Variants in CCDC47 observed in about 807,000 individuals in gnomAD.
The protein encoded by CCDC47 is PAT complex subunit CCDC47.
A neutral mutation model predicts 60.5 loss-of-function variants in CCDC47; 41 were observed. That is an observed-to-expected ratio of 0.68 (90% CI 0.53 to 0.88). The LOEUF (loss-of-function observed/expected upper bound fraction) is 0.88, where lower values mean the gene tolerates loss of function less well. Ranked by LOEUF, CCDC47 falls within the 40% of genes least tolerant of loss-of-function variation. CCDC47 has a pLI of 0.00. For missense variants in CCDC47, 513 were observed against 580.9 expected, an observed-to-expected ratio of 0.88 and a Z score of 1.20; for synonymous variants, 195 against 190.7, an observed-to-expected ratio of 1.02 and a Z score of -0.18.
At chr17:63,769,961 C>CT (rs397857898) in intron 1 of CCDC47, among the ~76,000 whole-genome samples, 41,183 of 128,320 alleles carry the variant, frequency 0.32, 6,957 homozygotes, top group South Asian at 0.58. Flanking sequence ...ATTTTTCTTT[C>CT]TTTTTTTTTT....
Position 63,746,950 on chromosome 17 carries a change from C to T in CCDC47, c.1383G>A (p.Leu461=). Residue 461 remains leucine (L), a synonymous_variant, in exon 13 of 13, where the codon TTG becomes TTA. Transcript: ENST00000225726. ...EKQRRLEEAA[L]RREQKKLEKK... The stretch of plus-strand genomic sequence containing the variant: ...TTTCCAACTTCTTTTGCTCACGCCT[C>T]AATGCAGCCTCCTAGAGAAAGAAGG... 6.2e-7 allele frequency: 1 copy of T among 1,613,484 alleles called. No homozygotes were observed. Among genetic ancestry groups the T allele is most frequent in the Non-Finnish European group, 8.5e-7 (1 of 1,179,692 alleles).
In CCDC47 at chr17:63,771,045, G is replaced by GAAGAAAGAAAGAAAGA. The variant is rs58944348; in HGVS notation, c.-20+2351_-20+2366dup. Among the ~76,000 whole-genome samples, 116 of 97,768 alleles carry GAAGAAAGAAAGAAAGA rather than the reference G, an allele frequency of 1.2e-3. 3 individuals are homozygous for GAAGAAAGAAAGAAAGA. Among genetic ancestry groups the GAAGAAAGAAAGAAAGA allele is most frequent in the African/African-American group, 2.9e-3 (70 of 24,236 alleles). The allele number at this position is 97,768 out of a possible 152,430, so 64.1% of individuals were successfully genotyped here. On this transcript the variant is annotated intron_variant, in intron 1 of 12. Coordinates refer to ENST00000225726, the MANE Select transcript of CCDC47 (RefSeq NM_020198.3). Reference sequence around the variant, plus strand: ...GGAAGGAAGGAAGGAAGGAAGGAAGGAAGAAAGAAAGAAAGAAATTAAATG... The same window carrying GAAGAAAGAAAGAAAGA: ...GGAAGGAAGGAAGGAAGGAAGGAAGGAAGAAAGAAAGAAAGAAAGAAAGAAAGAAAGAAATTAAATG...
intron 2 of CCDC47, 22 bp downstream of exon 2, chr17:63,765,890 A>G: frequency 6.3e-7 from 1 of 1,585,664 alleles, no homozygotes; most frequent in Non-Finnish European, 8.6e-7. Context: ...TTTTTCCAAT[A>G]AATTAATAAA....
chr17:63,747,030 CAT>C (rs766988939), intron 12 of CCDC47, 69 bp from the exon 13 acceptor site: 174 of 1,561,900 alleles, frequency 1.1e-4, no homozygotes, highest in Middle Eastern at 3.4e-4. Context: ...AAGCTTGAAA[CAT>C]ATGTTAAAAA....
At chr17:63,759,932 C>T (rs997969740) in intron 6 of CCDC47, among the ~76,000 whole-genome samples, 1 of 151,350 alleles carries the variant, frequency 6.6e-6, no homozygotes, top group Non-Finnish European at 1.5e-5. Flanking sequence ...GGAGTGGTGG[C>T]GGACGCCTGT....
rs1347779557 is a variant in CCDC47, at chr17:63,769,615, AAAAAAAAAAAAAAG to A, written c.-19-3435_-19-3422del. On this transcript the variant is annotated intron_variant, in intron 1 of 12. Transcript: ENST00000225726. Reference sequence around the variant, plus strand: ...GCAACAAGAGTGAAACTCCATCTCAAAAAAAAAAAAAAAGAAAAGAAAAGAAAAGAAAAAGAAAA... The same window carrying A: ...GCAACAAGAGTGAAACTCCATCTCAAAAAAGAAAAGAAAAGAAAAAGAAAA... Among the ~76,000 whole-genome samples the A allele has an allele frequency of 4.1e-5, 6 of 147,716 alleles. No homozygotes were observed. In the Admixed American group the frequency reaches 4.1e-4, roughly 10 times the overall value.
At chr17:63,760,105 TATTTGTGACAAAGGACACA>T in intron 6 of CCDC47, among the ~76,000 whole-genome samples, 1 of 150,452 alleles carries the variant, frequency 6.6e-6, no homozygotes, top group Middle Eastern at 3.5e-3. Context: ...AGGAATGTGG[TATTTGTGACAAAGGACACA>T]ATTTGCAGAT....
Position 63,766,004 on chromosome 17 carries a change from T to C in CCDC47, c.172A>G (p.Ile58Val). The change falls in exon 2 of 13, where the codon ATA (isoleucine) becomes GTA (valine). Residue 58 changes from isoleucine to valine, a missense_variant. Physicochemically the swap from Ile to Val is conservative, Grantham distance 29. Coordinates refer to ENST00000225726, the MANE Select transcript of CCDC47 (RefSeq NM_020198.3). The part of the protein sequence containing the change: ...DSVTESPQRV[I>V]ITEDDEDETT... ...TCATCTTCATCATCTTCAGTGATTA[T>C]GACCCGTTGAGGAGATTCAGTAACA... The C allele has an allele frequency of 6.2e-7, 1 of 1,614,136 alleles. No individual in the cohort carries two copies. Among genetic ancestry groups the C allele is most frequent in the South Asian group, 1.1e-5 (1 of 91,090 alleles).
At chr17:63,771,012 G>A (rs1021222582) in intron 1 of CCDC47, among the ~76,000 whole-genome samples, 1 of 116,304 alleles carries the variant, frequency 8.6e-6, no homozygotes, top group Non-Finnish European at 1.8e-5. Context: ...AAGAAAGAAA[G>A]AAAGGAAGGA....
intron 6 of CCDC47, among the ~76,000 whole-genome samples, chr17:63,758,073 T>C (rs569041832): frequency 6.6e-6 from 1 of 152,286 alleles, no homozygotes; most frequent in East Asian, 1.9e-4. Flanking sequence ...AGGGAGGGCA[T>C]GAAAGCTCCG....
At chr17:63,755,854 C>G (rs2039201390) in intron 8 of CCDC47, among the ~76,000 whole-genome samples, 1 of 151,220 alleles carries the variant, frequency 6.6e-6, no homozygotes, top group South Asian at 2.1e-4. Flanking sequence ...CATCTCAAGA[C>G]CCCATCTTTT....
intron 1 of CCDC47, among the ~76,000 whole-genome samples, chr17:63,772,488 C>T (rs538914976): frequency 6.6e-6 from 1 of 152,106 alleles, no homozygotes; most frequent in East Asian, 1.9e-4. Flanking sequence ...CTCCTGACCT[C>T]GTGATCCACC....
chr17:63,747,741 T>C (rs2039131323), intron 12 of CCDC47: 4 of 984,958 alleles, frequency 4.1e-6, no homozygotes, highest in South Asian at 4.7e-5. Flanking sequence ...ATGGAGAAAA[T>C]AGGGAAGAAA....
At chr17:63,766,247 A>C in intron 1 of CCDC47, 53 bp from the exon 2 acceptor site, 1 of 1,492,478 alleles carries the variant, frequency 6.7e-7, no homozygotes, top group Non-Finnish European at 9.0e-7. Context: ...CATACTGATC[A>C]GATTTTATAA....
chr17:63,769,101 A>T (rs1331006667), intron 1 of CCDC47, among the ~76,000 whole-genome samples: 2 of 151,302 alleles, frequency 1.3e-5, no homozygotes, highest in African/African-American at 2.4e-5. Context: ...AAAAAAAAAA[A>T]TTAGCCAAGT....
At chr17:63,755,996 A>C (rs188743290) in intron 8 of CCDC47, among the ~76,000 whole-genome samples, 12 of 152,062 alleles carry the variant, frequency 7.9e-5, no homozygotes, top group Admixed American at 2.0e-4. Flanking sequence ...TCAAAAAAAA[A>C]CCTGAAAGTC....
intron 1 of CCDC47, among the ~76,000 whole-genome samples, chr17:63,769,913 G>C (rs2039324599): frequency 6.6e-6 from 1 of 151,018 alleles, no homozygotes; most frequent in Non-Finnish European, 1.5e-5. Context: ...ACAAATATTA[G>C]TTAGCTTGTA....
intron 12 of CCDC47, among the ~76,000 whole-genome samples, chr17:63,748,633 A>G (rs2039138355): frequency 6.6e-6 from 1 of 152,176 alleles, no homozygotes; most frequent in Non-Finnish European, 1.5e-5. Flanking sequence ...CACATGTGTA[A>G]AACTAATGAT....
chr17:63,762,402 T>G (rs1236849089), intron 4 of CCDC47, among the ~76,000 whole-genome samples: 2 of 152,186 alleles, frequency 1.3e-5, no homozygotes, highest in East Asian at 3.8e-4. Context: ...TGGTTGCAAT[T>G]TAACAGCTTA....
Sources: allele counts gnomAD v4.1 joint callset (sites outside exome capture counted in the v4.1 genomes callset), GRCh38; gene constraint gnomAD v4.1.1; transcripts MANE v1.5; gene names NCBI Gene and HGNC (gene_info 2026-07-23, HGNC 2026-07-21).